The following BEND3 variants were observed in gnomAD, a reference collection of about 807,000 sequenced individuals.
The protein encoded by BEND3 is BEN domain containing 3.
In BEND3, 13 loss-of-function variants were observed where a neutral mutation model predicts 60.1. The ratio of observed to expected loss-of-function variants is 0.22; its 90% CI spans 0.14 to 0.34. The LOEUF is 0.34. BEND3 is among the 10% of genes least tolerant of loss of function. BEND3 has a pLI of 1.00. For missense variants in BEND3, 896 were observed against 1,138.1 expected (o/e 0.79, Z 3.06); for synonymous variants, 497 against 491.5 (o/e 1.01, Z -0.15).
In BEND3 at chr6:107,115,426, C is replaced by T. The variant is rs1269335410; in HGVS notation, c.-348G>A. ...AGCGGGGCACACGCGGGACCGGCGG[C>T]GGCGGCGCTCGGGCGTGAACGGCCG... On this transcript the variant is annotated 5_prime_UTR_variant, in exon 1 of 4. Transcript: ENST00000369042. Among the ~76,000 whole-genome samples the T allele has an allele frequency of 6.7e-6, 1 of 148,286 alleles. No individual in the cohort carries two copies. Among genetic ancestry groups the T allele is most frequent in the Non-Finnish European group, 1.5e-5 (1 of 66,548 alleles).
intron 1 of BEND3, among the ~76,000 whole-genome samples, chr6:107,112,010 AGCAC>A (rs1770112976): frequency 2.0e-5 from 3 of 151,898 alleles, no homozygotes; most frequent in Non-Finnish European, 4.4e-5. Context: ...AAAAAAATTA[AGCAC>A]CAGGAAAAAA....
intron 1 of BEND3, chr6:107,113,988 C>T (rs1320612083): frequency 6.6e-6 from 1 of 152,250 alleles, no homozygotes; most frequent in African/African-American, 2.4e-5. Flanking sequence ...ATGAACTGCA[C>T]ATTTCCAACT....
At chr6:107,100,207 AATAT>A (rs1365779034) in intron 1 of BEND3, among the ~76,000 whole-genome samples, 4 of 151,882 alleles carry the variant, frequency 2.6e-5, no homozygotes, top group Non-Finnish European at 2.9e-5. Flanking sequence ...TTGAAATGAT[AATAT>A]TTTGGACTTA....
chr6:107,108,230 C>T (rs769758790), intron 1 of BEND3, among the ~76,000 whole-genome samples: 3 of 152,164 alleles, frequency 2.0e-5, no homozygotes, highest in Admixed American at 6.5e-5. Flanking sequence ...CAACCCTGCC[C>T]GCGCGCCTGT....
chr6:107,086,048 A>G (rs773554447), intron 3 of BEND3, among the ~76,000 whole-genome samples: 23 of 151,814 alleles, frequency 1.5e-4, no homozygotes, highest in East Asian at 3.9e-4. Context: ...CGGCCTCCCA[A>G]TGTGCTGGGA....
At chr6:107,094,491 C>T (rs962201481) in intron 3 of BEND3, among the ~76,000 whole-genome samples, 3 of 151,742 alleles carry the variant, frequency 2.0e-5, no homozygotes, top group South Asian at 2.1e-4. Flanking sequence ...CGTGGTGGTG[C>T]GTGCCTGTAA....
Position 107,068,394 on chromosome 6 carries a change from G to C in BEND3, c.*310C>G. 3.4e-6 allele frequency: 1 copy of C among 291,454 alleles called. No homozygotes were observed. Among genetic ancestry groups the C allele is most frequent in the Non-Finnish European group, 6.3e-6 (1 of 157,984 alleles). 18.1% of individuals were successfully genotyped at this position (291,454 alleles called of 1,614,324 possible). On this transcript the variant is annotated 3_prime_UTR_variant, in exon 4 of 4. Transcript: ENST00000369042. This position sits in a 1 kb window ranked among gnomAD's most constrained non-coding sequence, Gnocchi z 5.8. ...TTTGCATTATAAGCTGTGAGGGGCT[G>C]GGGAGGGCACAACCAGGGAGAGAGG...
intron 3 of BEND3, among the ~76,000 whole-genome samples, chr6:107,073,641 G>C (rs1288225791): frequency 6.6e-6 from 1 of 152,150 alleles, no homozygotes; most frequent in East Asian, 1.9e-4. Flanking sequence ...GCTCACACCT[G>C]TAATCCCAGT....
chr6:107,085,283 G>A (rs145281056), intron 3 of BEND3, among the ~76,000 whole-genome samples: 49 of 152,214 alleles, frequency 3.2e-4, no homozygotes, highest in Non-Finnish European at 3.7e-4. Context: ...GAGGGTCCAC[G>A]GCTTCATTCT....
chr6:107,075,564 A>G (rs1476328642), intron 3 of BEND3, among the ~76,000 whole-genome samples: 5 of 152,216 alleles, frequency 3.3e-5, no homozygotes, highest in Admixed American at 3.3e-4. Context: ...CCCATGGACT[A>G]TAAGATTACT....
intron 3 of BEND3, among the ~76,000 whole-genome samples, chr6:107,096,331 G>A (rs1158264423): frequency 1.3e-5 from 2 of 152,162 alleles, no homozygotes; most frequent in African/African-American, 4.8e-5. Flanking sequence ...CCTAGAATTG[G>A]CCGGGCATAG....
At chr6:107,106,431 C>T (rs1775815969) in intron 1 of BEND3, among the ~76,000 whole-genome samples, 1 of 152,182 alleles carries the variant, frequency 6.6e-6, no homozygotes, top group East Asian at 1.9e-4. Flanking sequence ...AGCTTTCTTT[C>T]CCTCTTCCTG....
intron 3 of BEND3, among the ~76,000 whole-genome samples, chr6:107,074,988 C>T (rs1180796866): frequency 6.6e-6 from 1 of 151,978 alleles, no homozygotes; most frequent in East Asian, 1.9e-4. Context: ...GTAGTCCCAG[C>T]TACTCAGGAG....
At chr6:107,113,731 G>A (rs1770178100) in intron 1 of BEND3, 1 of 152,048 alleles carries the variant, frequency 6.6e-6, no homozygotes, top group Non-Finnish European at 1.5e-5. Context: ...TTGTATGGTA[G>A]TATAAAGCCA....
At chr6:107,087,335 GA>G (rs1188375404) in intron 3 of BEND3, among the ~76,000 whole-genome samples, 3 of 148,846 alleles carry the variant, frequency 2.0e-5, no homozygotes, top group Non-Finnish European at 4.5e-5. Context: ...GAAAAGAAAA[GA>G]AAAAACGACA....
At chr6:107,099,174 G>A in intron 2 of BEND3, 75 bp downstream of exon 2, 1 of 1,214,484 alleles carries the variant, frequency 8.2e-7, no homozygotes, top group Admixed American at 1.8e-5. Flanking sequence ...GTATATTTTT[G>A]GACCATGTGA....
At chr6:107,113,437 CAA>C (rs1158122732) in intron 1 of BEND3, among the ~76,000 whole-genome samples, 6 of 13,064 alleles carry the variant, frequency 4.6e-4, no homozygotes, top group East Asian at 2.6e-3. Flanking sequence ...GACTCCGTCT[CAA>C]AAAAAAAAAA....
intron 3 of BEND3, among the ~76,000 whole-genome samples, chr6:107,073,588 A>G (rs1414348628): frequency 7.2e-5 from 11 of 152,104 alleles, no homozygotes; most frequent in Admixed American, 5.9e-4. Flanking sequence ...GTGTTCCACC[A>G]TTCTCAAATA....
intron 3 of BEND3, among the ~76,000 whole-genome samples, chr6:107,092,252 C>CT (rs1477455408): frequency 4.7e-5 from 7 of 147,644 alleles, no homozygotes; most frequent in African/African-American, 1.7e-4. Context: ...GAGACTCTGT[C>CT]TCAAAAAAAA....
Sources: allele counts gnomAD v4.1 joint callset (sites outside exome capture counted in the v4.1 genomes callset), GRCh38; gene constraint gnomAD v4.1.1; non-coding constraint Gnocchi (gnomAD v3.1); transcripts MANE v1.5; gene names NCBI Gene and HGNC (gene_info 2026-07-23, HGNC 2026-07-21).